The following ZMAT4 variants were observed in gnomAD, a reference collection of about 807,000 sequenced individuals.
ZMAT4 encodes the protein zinc finger matrin-type 4, also known as zinc finger matrin-type protein 4.
A neutral mutation model predicts 28.7 loss-of-function variants in ZMAT4; 17 were observed. The ratio of observed to expected loss-of-function variants is 0.59; its 90% CI spans 0.41 to 0.89. The LOEUF is 0.89. ZMAT4 is among the 40% of genes least tolerant of loss of function. The pLI is 0.00. For synonymous variants in ZMAT4, 117 were observed against 109.2 expected, an observed-to-expected ratio of 1.07 and a Z score of -0.44; for missense variants, 240 against 283.8, an observed-to-expected ratio of 0.85 and a Z score of 1.11.
chr8:40,582,511 A>G (rs1400753245), intron 5 of ZMAT4, among the ~76,000 whole-genome samples: 1 of 152,186 alleles, frequency 6.6e-6, no homozygotes, highest in African/African-American at 2.4e-5. Flanking sequence ...TGACATATAT[A>G]TACAACAATG....
intron 2 of ZMAT4, among the ~76,000 whole-genome samples, chr8:40,822,081 T>C (rs2150608110): frequency 6.6e-6 from 1 of 152,348 alleles, no homozygotes; most frequent in South Asian, 2.1e-4. Flanking sequence ...GGACGCCAAG[T>C]GGGCAAAAGA....
In ZMAT4 at chr8:40,679,752, T is replaced by C. The variant is rs541175979; in HGVS notation, c.350-4821A>G. ...TATCAGTCTCTATCAGAAAATTTCC[T>C]CATTCTGTAATTGTCTACATTGTCT... On this transcript the variant is annotated intron_variant, in intron 4 of 6. Coordinates refer to ENST00000297737, the MANE Select transcript of ZMAT4 (RefSeq NM_024645.3). Among the ~76,000 whole-genome samples, 10 of 152,346 alleles carry C rather than the reference T, an allele frequency of 6.6e-5. No individual in the cohort carries two copies. The East Asian group carries it at 1.9e-3, about 29-fold the overall frequency.
At chr8:40,820,332 GTATGTGTGTGTT>G (rs1002008491) in intron 2 of ZMAT4, among the ~76,000 whole-genome samples, 7 of 148,716 alleles carry the variant, frequency 4.7e-5, no homozygotes, top group South Asian at 2.2e-4. Flanking sequence ...GTGTATATGT[GTATGTGTGTGTT>G]TATGTGTGTG....
At chr8:40,867,925 T>TAAA (rs1219022220) in intron 1 of ZMAT4, among the ~76,000 whole-genome samples, 3 of 150,894 alleles carry the variant, frequency 2.0e-5, no homozygotes, top group Non-Finnish European at 4.4e-5. Flanking sequence ...GAACCTAAAA[T>TAAA]AAAATATAAA....
At chr8:40,592,674 C>A (rs887003613) in intron 5 of ZMAT4, among the ~76,000 whole-genome samples, 1 of 152,108 alleles carries the variant, frequency 6.6e-6, no homozygotes, top group Non-Finnish European at 1.5e-5. Flanking sequence ...GGATGCCTGA[C>A]CCAAGAAAGG....
At chr8:40,658,619 TACACACACACACACACAC>T (rs3038825) in intron 5 of ZMAT4, among the ~76,000 whole-genome samples, 9 of 145,594 alleles carry the variant, frequency 6.2e-5, no homozygotes, top group African/African-American at 2.3e-4. Context: ...GTTAGACACA[TACACACACACACACACAC>T]ACACACACAC....
At chr8:40,741,589 A>C (rs2150535058) in intron 3 of ZMAT4, among the ~76,000 whole-genome samples, 1 of 152,372 alleles carries the variant, frequency 6.6e-6, no homozygotes, top group East Asian at 1.9e-4. Flanking sequence ...TTATATTAAC[A>C]ATATCATTTG....
At chr8:40,789,327 A>T (rs1395255772) in intron 2 of ZMAT4, among the ~76,000 whole-genome samples, 2 of 152,202 alleles carry the variant, frequency 1.3e-5, no homozygotes, top group Non-Finnish European at 2.9e-5. Flanking sequence ...AAGATGAATT[A>T]GGCAAACGTG....
At chr8:40,749,923 A>G (rs983109257) in intron 3 of ZMAT4, among the ~76,000 whole-genome samples, 2 of 152,212 alleles carry the variant, frequency 1.3e-5, no homozygotes, top group African/African-American at 4.8e-5. Flanking sequence ...AAATTATGTA[A>G]GATAATATAT....
intron 3 of ZMAT4, among the ~76,000 whole-genome samples, chr8:40,713,340 T>C (rs1003539234): frequency 9.2e-5 from 14 of 152,222 alleles, no homozygotes; most frequent in Admixed American, 8.5e-4. Context: ...AAGCCTTACA[T>C]TGAAAACAGT....
intron 1 of ZMAT4, among the ~76,000 whole-genome samples, chr8:40,828,066 G>T (rs1026033536): frequency 6.6e-6 from 1 of 152,130 alleles, no homozygotes; most frequent in African/African-American, 2.4e-5. Context: ...GCAAGACCAA[G>T]AACAGAATGC....
chr8:40,538,346 G>A (rs556258801), intron 6 of ZMAT4, among the ~76,000 whole-genome samples: 2 of 152,116 alleles, frequency 1.3e-5, no homozygotes, highest in East Asian at 1.9e-4. Context: ...TCCGAACCCC[G>A]CTTCTAGTTG....
At chr8:40,808,575 C>CA (rs745844578) in intron 2 of ZMAT4, 21,055 of 378,506 alleles carry the variant, frequency 0.056, 4 homozygotes, top group South Asian at 0.083. Flanking sequence ...CACCACACTG[C>CA]AAAAAAAAAA....
intron 2 of ZMAT4, among the ~76,000 whole-genome samples, chr8:40,817,487 C>T (rs1012857066): frequency 2.6e-5 from 4 of 152,202 alleles, no homozygotes; most frequent in Non-Finnish European, 4.4e-5. Context: ...ATTCTGGGAA[C>T]TTGCCCCACT....
rs111988733 is a variant in ZMAT4, at chr8:40,800,999, A to C, written c.102+24576T>G. 9.2e-3 allele frequency among the ~76,000 whole-genome samples: 1,404 copies of C among 152,110 alleles called. 23 individuals carry two copies. The highest frequency in any genetic ancestry group is 0.033 in the African/African-American group (1,355 of 41,510). The stretch of plus-strand genomic sequence containing the variant: ...AAGCAAAGCTAAGAACAAAAAAGAG[A>C]TGACACAAATTACTAATATCAGAAA... On this transcript the variant is annotated intron_variant, in intron 2 of 6. Transcript: ENST00000297737.
intron 2 of ZMAT4, among the ~76,000 whole-genome samples, chr8:40,803,557 C>T (rs1228976461): frequency 1.3e-5 from 2 of 152,150 alleles, no homozygotes; most frequent in African/African-American, 2.4e-5. Flanking sequence ...CTACATATTA[C>T]AATGGCCAAA....
At chr8:40,686,078 T>G (rs1011768513) in intron 4 of ZMAT4, among the ~76,000 whole-genome samples, 19 of 152,198 alleles carry the variant, frequency 1.2e-4, no homozygotes. Context: ...TCAACTATGT[T>G]CTGGCACTGT....
intron 5 of ZMAT4, among the ~76,000 whole-genome samples, chr8:40,589,761 T>TTTCTTTCTTTCTTTCC (rs1563353958): frequency 1.9e-5 from 1 of 52,870 alleles, no homozygotes; most frequent in Non-Finnish European, 4.4e-5. Flanking sequence ...TCTTTCTTTC[T>TTTCTTTCTTTCTTTCC]TTTTCTTTCT....
At chr8:40,705,943 C>G (rs974489379) in intron 3 of ZMAT4, among the ~76,000 whole-genome samples, 10 of 152,198 alleles carry the variant, frequency 6.6e-5, no homozygotes, top group Admixed American at 1.3e-4. Context: ...TAGCACATCT[C>G]AATTCAGACT....
Sources: gnomAD v4.1 joint callset for allele counts (sites outside exome capture counted in the v4.1 genomes callset) on GRCh38, gnomAD v4.1.1 for gene constraint, MANE v1.5 for transcripts, NCBI Gene and HGNC (gene_info 2026-07-23, HGNC 2026-07-21) for gene names.